SH2D4B: variants seen among roughly 807,000 people sequenced by gnomAD.
The protein encoded by SH2D4B is SH2 domain-containing protein 4B.
A neutral mutation model predicts 61.5 loss-of-function variants in SH2D4B; 45 were observed. The ratio of observed to expected loss-of-function variants is 0.73; its 90% CI spans 0.58 to 0.94. SH2D4B has a LOEUF of 0.94. Ranked by LOEUF, SH2D4B falls within the 40% of genes least tolerant of loss-of-function variation. The pLI, the probability that SH2D4B is intolerant of heterozygous loss-of-function variation, is 0.00. For missense variants in SH2D4B, 572 were observed against 574.2 expected (o/e 1.00, Z 0.04); for synonymous variants, 224 against 220.4 (o/e 1.02, Z -0.14).
At chr10:80,549,103 G>A (rs554230214) in intron 1 of SH2D4B, among the ~76,000 whole-genome samples, 4 of 152,214 alleles carry the variant, frequency 2.6e-5, no homozygotes, top group South Asian at 2.1e-4. Context: ...TGTGGCCTGG[G>A]ACTCCCTGAT....
chr10:80,618,300 T>G (rs764646376), intron 6 of SH2D4B, among the ~76,000 whole-genome samples: 3 of 152,192 alleles, frequency 2.0e-5, no homozygotes, highest in Non-Finnish European at 2.9e-5. Flanking sequence ...AGAAGTCATT[T>G]TACTGGGTGA....
At chr10:80,542,039 A>G (rs751310352) in intron 1 of SH2D4B, among the ~76,000 whole-genome samples, 1 of 152,190 alleles carries the variant, frequency 6.6e-6, no homozygotes, top group Non-Finnish European at 1.5e-5. Context: ...TAAATCTAAC[A>G]TCATGCTTAT....
chr10:80,587,571 G>A (rs150108559), intron 3 of SH2D4B, among the ~76,000 whole-genome samples: 15 of 152,120 alleles, frequency 9.9e-5, no homozygotes, highest in African/African-American at 3.1e-4. Context: ...GAGCCACGAC[G>A]CCCAGCTTTT....
chr10:80,645,100 G>A lies in SH2D4B; in HGVS notation c.*1015G>A, dbSNP rs1435895055. 2 of 152,218 alleles carry A rather than the reference G, an allele frequency of 1.3e-5. No individual in the cohort carries two copies. The highest frequency in any genetic ancestry group is 2.4e-5 in the African/African-American group (1 of 41,462). The allele number at this position is 152,218 out of a possible 1,614,324, so 9.4% of individuals were successfully genotyped here. A position where few individuals can be genotyped will look rare whatever the true frequency, so the allele number is the denominator to read the frequency against. ...TGAAGAGAAGATTACAGTCTTTACA[G>A]TCAAGAAGACTTGGGTTCATATCCT... On this transcript the variant is annotated 3_prime_UTR_variant, in exon 8 of 8. Coordinates refer to ENST00000646907, the MANE Select transcript of SH2D4B (RefSeq NM_001388272.1).
intron 1 of SH2D4B, among the ~76,000 whole-genome samples, chr10:80,568,420 G>T (rs1841998104): frequency 6.6e-6 from 1 of 152,122 alleles, no homozygotes; most frequent in Non-Finnish European, 1.5e-5. Flanking sequence ...CTGGGAATGA[G>T]CCTAGCATCC....
In SH2D4B at chr10:80,570,284, G is replaced by A; in HGVS notation, c.315G>A (p.Arg105=). ...AGGAGCTGATTGCAGAGAGGGCGCG[G>A]CTGCAGGCACAGAGGGAAGCTGAGG... ...ISEELIAERA[R]LQAQREAEEL... is the part of the protein sequence containing the mutation. The change falls in exon 2 of 8, where the codon CGG becomes CGA. Residue 105 remains arginine, a synonymous_variant. Coordinates refer to ENST00000646907, the MANE Select transcript of SH2D4B (RefSeq NM_001388272.1). 6.2e-7 allele frequency: 1 copy of A among 1,613,618 alleles called. No homozygotes were observed.
In SH2D4B at chr10:80,557,528, G is replaced by A. The variant is rs149132583; in HGVS notation, c.185-12626G>A. 3.9e-3 allele frequency among the ~76,000 whole-genome samples: 591 copies of A among 152,202 alleles called. 5 individuals are homozygous for A. The highest frequency in any genetic ancestry group is 0.013 in the African/African-American group (539 of 41,542). Reference sequence around the variant, plus strand: ...GGCAGATTTTAACATATAAATTCAAGTTCTATAGTGGACATAGAGCTATTC... The same window carrying A: ...GGCAGATTTTAACATATAAATTCAAATTCTATAGTGGACATAGAGCTATTC... On this transcript the variant is annotated intron_variant, in intron 1 of 7. Coordinates refer to ENST00000646907, the MANE Select transcript of SH2D4B (RefSeq NM_001388272.1).
chr10:80,549,180 C>T (rs1031255121), intron 1 of SH2D4B, among the ~76,000 whole-genome samples: 2 of 86,718 alleles, frequency 2.3e-5, no homozygotes, highest in African/African-American at 9.9e-5. Flanking sequence ...CTAGGGATCT[C>T]CGAGAGCTGT....
chr10:80,541,103 G>C (rs1841572620), intron 1 of SH2D4B, among the ~76,000 whole-genome samples: 1 of 152,226 alleles, frequency 6.6e-6, no homozygotes, highest in South Asian at 2.1e-4. Context: ...ACCCAGCAGA[G>C]TCTGGGTTTC....
intron 2 of SH2D4B, 32 bp downstream of exon 2, chr10:80,570,348 C>T: frequency 6.2e-7 from 1 of 1,608,688 alleles, no homozygotes; most frequent in South Asian, 1.1e-5. Flanking sequence ...TGGGTGGGGC[C>T]TAGGCATGGA....
chr10:80,548,996 C>T (rs565758707), intron 1 of SH2D4B, among the ~76,000 whole-genome samples: 1 of 152,142 alleles, frequency 6.6e-6, no homozygotes, highest in Non-Finnish European at 1.5e-5. Context: ...TGCTGATAAG[C>T]TTTTCAGATG....
intron 6 of SH2D4B, among the ~76,000 whole-genome samples, chr10:80,627,839 A>G (rs1372424017): frequency 1.3e-5 from 2 of 151,994 alleles, no homozygotes; most frequent in Non-Finnish European, 2.9e-5. Context: ...ATGTTCCTGG[A>G]AACTATAGGA....
chr10:80,571,618 T>G, intron 3 of SH2D4B, 40 bp downstream of exon 3: 1 of 1,609,616 alleles, frequency 6.2e-7, no homozygotes, highest in South Asian at 1.1e-5. Context: ...GGCCACCTAA[T>G]TAGCCCCTGA....
rs1840382970 is a variant in SH2D4B at position 80,645,467 on chromosome 10, G to A, written c.*1382G>A. On this transcript the variant is annotated 3_prime_UTR_variant, in exon 8 of 8. Coordinates refer to ENST00000646907, the MANE Select transcript of SH2D4B (RefSeq NM_001388272.1). ...AAGAGATGGGAAGTGAATGCCCGAT[G>A]TGGTGAATCTGGGATGAATGGGAGT... The A allele has an allele frequency of 1.3e-5, 2 of 152,226 alleles. No homozygotes were observed. Among genetic ancestry groups the A allele is most frequent in the South Asian group, 2.1e-4 (1 of 4,830 alleles). 9.4% of individuals were successfully genotyped at this position (152,226 alleles called of 1,614,324 possible). A position where few individuals can be genotyped will look rare whatever the true frequency, so the allele number is the denominator to read the frequency against.
At chr10:80,626,178 A>G (rs889938992) in intron 6 of SH2D4B, among the ~76,000 whole-genome samples, 1 of 151,804 alleles carries the variant, frequency 6.6e-6, no homozygotes, top group African/African-American at 2.4e-5. Flanking sequence ...CCTGAAGTAC[A>G]TCCTTTAGAA....
intron 6 of SH2D4B, among the ~76,000 whole-genome samples, chr10:80,614,957 G>A (rs139786585): frequency 6.6e-6 from 1 of 152,232 alleles, no homozygotes; most frequent in Non-Finnish European, 1.5e-5. Flanking sequence ...CCCCTCCTGG[G>A]TAGCCCTCCT....
At chr10:80,578,376 G>T (rs2132123330) in intron 3 of SH2D4B, among the ~76,000 whole-genome samples, 1 of 152,028 alleles carries the variant, frequency 6.6e-6, no homozygotes, top group African/African-American at 2.4e-5. Context: ...TGGGGGAGGA[G>T]GGGAGAAATA....
intron 1 of SH2D4B, among the ~76,000 whole-genome samples, chr10:80,558,906 C>A (rs372231052): frequency 2.6e-5 from 4 of 152,142 alleles, no homozygotes; most frequent in Non-Finnish European, 5.9e-5. Context: ...ATTTAAGAAA[C>A]CCTTGTTTCT....
chr10:80,558,879 T>G (rs1259830007), intron 1 of SH2D4B, among the ~76,000 whole-genome samples: 2 of 152,238 alleles, frequency 1.3e-5, no homozygotes, highest in East Asian at 3.8e-4. Context: ...ATTTGTTGCT[T>G]GTACTTTTGC....
Sources: gnomAD v4.1 joint callset for allele counts (sites outside exome capture counted in the v4.1 genomes callset) on GRCh38, gnomAD v4.1.1 for gene constraint, MANE v1.5 for transcripts, NCBI Gene and HGNC (gene_info 2026-07-23, HGNC 2026-07-21) for gene names.